Variants in ITGAE observed in about 807,000 individuals in gnomAD.
ITGAE encodes integrin alpha-E.
In ITGAE, 99 loss-of-function variants were observed where a neutral mutation model predicts 136.5. The observed-to-expected ratio is 0.73, with a 90% confidence interval of 0.62 to 0.86. The LOEUF (loss-of-function observed/expected upper bound fraction) is 0.86, where lower values mean the gene tolerates loss of function less well. Among genes scored for constraint, ITGAE ranks in the 40% least tolerant of loss-of-function variants. ITGAE has a pLI of 0.00. For missense variants in ITGAE, 1,447 were observed against 1,515.3 expected, an observed-to-expected ratio of 0.95 and a Z score of 0.75; for synonymous variants, 613 against 591.8, an observed-to-expected ratio of 1.04 and a Z score of -0.52.
At chr17:3,735,189 C>T (rs893193904) in intron 20 of ITGAE, among the ~76,000 whole-genome samples, 7 of 152,050 alleles carry the variant, frequency 4.6e-5, no homozygotes, top group Non-Finnish European at 8.8e-5. Flanking sequence ...TTTTTTGAGA[C>T]GGAGTTTCGT....
intron 1 of ITGAE, among the ~76,000 whole-genome samples, chr17:3,782,011 C>T (rs2052676646): frequency 6.6e-6 from 1 of 151,964 alleles, no homozygotes; most frequent in Non-Finnish European, 1.5e-5. Context: ...TGCGGTGGCT[C>T]ATGCCTATAA....
rs988646985 is a variant in ITGAE, at chr17:3,734,926, G to T, written c.2546C>A (p.Thr849Lys). Residue 849 changes from threonine to lysine, a missense_variant, in exon 21 of 31, where the codon ACA becomes AAA. Around this residue, in one of 3 missense-constraint regions of ITGAE, gnomAD observed 1,031 missense variants for 1,011.4 expected, o/e 1.02. Transcript: ENST00000263087. ...VSQQELVVGL[T>K]KELTLNINLT... is the part of the protein sequence containing the mutation. ...GTTAATGTTCAGGGTCAGCTCCTTT[G>T]TGAGACCCACCACCAACTCCTGCCT... is the stretch of plus-strand genomic sequence containing the variant. 1 of 1,614,070 alleles carries T rather than the reference G, an allele frequency of 6.2e-7. No homozygotes were observed. The highest frequency in any genetic ancestry group is 8.5e-7 in the Non-Finnish European group (1 of 1,180,020).
chr17:3,795,030 T>C (rs977089393), intron 1 of ITGAE, among the ~76,000 whole-genome samples: 51 of 152,248 alleles, frequency 3.3e-4, no homozygotes, highest in African/African-American at 1.1e-3. Context: ...TCCACCTCTG[T>C]CTGCAAAGCC....
At chr17:3,781,862 T>C (rs2052674256) in intron 1 of ITGAE, among the ~76,000 whole-genome samples, 1 of 152,132 alleles carries the variant, frequency 6.6e-6, no homozygotes, top group African/African-American at 2.4e-5. Context: ...CTGTCAGGAC[T>C]CAGCTCTGCC....
intron 16 of ITGAE, among the ~76,000 whole-genome samples, chr17:3,748,624 G>A (rs1228396355): frequency 8.5e-5 from 13 of 152,092 alleles, no homozygotes; most frequent in Admixed American, 8.5e-4. Flanking sequence ...AGGACCGAGG[G>A]CTACTGAGAC....
chr17:3,731,844 A>C (rs1052377113), intron 22 of ITGAE, among the ~76,000 whole-genome samples: 1 of 151,028 alleles, frequency 6.6e-6, no homozygotes, highest in African/African-American at 2.4e-5. Context: ...AGGTCGAGGC[A>C]GGTGGATCAC....
intron 2 of ITGAE, among the ~76,000 whole-genome samples, 165 bp downstream of exon 2, chr17:3,777,375 T>C (rs575425545): frequency 6.6e-6 from 1 of 152,310 alleles, no homozygotes; most frequent in South Asian, 2.1e-4. Flanking sequence ...GCCCACAGCC[T>C]CTCTCACACC....
intron 24 of ITGAE, 109 bp downstream of exon 24, chr17:3,729,369 G>T: frequency 1.3e-6 from 1 of 780,778 alleles, no homozygotes; most frequent in Non-Finnish European, 2.4e-6. Flanking sequence ...CTCTCAGAAG[G>T]ACAGTGTCCA....
At chr17:3,721,263 T>C in intron 28 of ITGAE, among the ~76,000 whole-genome samples, 1 of 65,168 alleles carries the variant, frequency 1.5e-5, no homozygotes, top group African/African-American at 1.0e-4. Context: ...ATTTTTCCTT[T>C]TTTTTTTTTT....
chr17:3,783,413 G>A (rs2143379772), intron 1 of ITGAE, among the ~76,000 whole-genome samples: 1 of 152,302 alleles, frequency 6.6e-6, no homozygotes, highest in South Asian at 2.1e-4. Flanking sequence ...CAAAGTGCTG[G>A]GATTACAGGC....
chr17:3,720,407 A>C lies in ITGAE; in HGVS notation c.3238-5T>G, dbSNP rs773638274. On this transcript the variant is annotated splice_polypyrimidine_tract_variant and splice_region_variant and intron_variant, in intron 28 of 30. Transcript: ENST00000263087. ...TTCAGTTACATCTTTTAGTAACTAGAAGATGGGGAAAGGAATGAGGGAAAC... is the reference window on the plus strand; with the variant it reads ...TTCAGTTACATCTTTTAGTAACTAGCAGATGGGGAAAGGAATGAGGGAAAC... The C allele has an allele frequency of 7.7e-7, 1 of 1,293,450 alleles. No homozygotes were observed. Among genetic ancestry groups the C allele is most frequent in the Non-Finnish European group, 1.1e-6 (1 of 887,584 alleles). 80.1% of individuals were successfully genotyped at this position (1,293,450 alleles called of 1,614,324 possible).
intron 30 of ITGAE, among the ~76,000 whole-genome samples, chr17:3,715,518 G>A (rs993577546): frequency 6.6e-6 from 1 of 152,132 alleles, no homozygotes; most frequent in Non-Finnish European, 1.5e-5. Context: ...CAGCCTACGC[G>A]TACGCAGAGG....
At position 3,755,170 on chromosome 17, in the gene ITGAE, T is replaced by C; in HGVS notation, c.1331A>G (p.Asn444Ser). Residue 444 changes from asparagine (N) to serine (S), a missense_variant, in exon 12 of 31, where the codon AAC (asparagine) becomes AGC (serine). Asn to Ser is a conservative substitution (Grantham distance 46). Transcript: ENST00000263087. ...DTRSRRGRFL[N>S]QTAAAAADAE... ...GTCTGCCGCCGCCGCCGCTGTCTGG[T>C]TCAGGAAGCGGCCCCGGCGGCTGCG... 6.4e-7 allele frequency: 1 copy of C among 1,563,332 alleles called. No homozygotes were observed.
intron 2 of ITGAE, among the ~76,000 whole-genome samples, chr17:3,766,468 C>T (rs781164510): frequency 5.9e-5 from 9 of 152,138 alleles, no homozygotes; most frequent in Non-Finnish European, 8.8e-5. Context: ...CCCAGCCCTG[C>T]TGATAGCTTT....
At chr17:3,795,500 T>C (rs897433318) in intron 1 of ITGAE, among the ~76,000 whole-genome samples, 1 of 152,198 alleles carries the variant, frequency 6.6e-6, no homozygotes. Flanking sequence ...GAGAGGGGTG[T>C]GGTTTGTGCA....
At chr17:3,760,114 T>C (rs2052128425) in intron 7 of ITGAE, 58 bp downstream of exon 7, 1 of 998,072 alleles carries the variant, frequency 1.0e-6, no homozygotes, top group East Asian at 2.4e-5. Flanking sequence ...ATTGTTGTTC[T>C]GAGGTAGGGT....
chr17:3,770,287 A>AT (rs1202150020), intron 2 of ITGAE, among the ~76,000 whole-genome samples: 2,836 of 142,454 alleles, frequency 0.02, 44 homozygotes, highest in Middle Eastern at 0.048. Flanking sequence ...GCCCAGCTAA[A>AT]TTTTTTTTTT....
chr17:3,746,258 A>G (rs1258801876), intron 17 of ITGAE, among the ~76,000 whole-genome samples: 2 of 151,924 alleles, frequency 1.3e-5, no homozygotes, highest in Non-Finnish European at 2.9e-5. Flanking sequence ...AAGAGAATGG[A>G]GAGGGAAAGA....
intron 22 of ITGAE, 24 bp downstream of exon 22, chr17:3,732,344 G>C: frequency 6.4e-7 from 1 of 1,561,556 alleles, no homozygotes; most frequent in Non-Finnish European, 8.8e-7. Context: ...GGTGAGAAGA[G>C]CGAATCAGTC....
Sources: allele counts gnomAD v4.1 joint callset (sites outside exome capture counted in the v4.1 genomes callset), GRCh38; gene constraint gnomAD v4.1.1; regional missense constraint gnomAD v4.1.1; transcripts MANE v1.5; gene names NCBI Gene and HGNC (gene_info 2026-07-23, HGNC 2026-07-21).